Variants in CBFA2T3 observed in about 807,000 individuals in gnomAD.
The protein encoded by CBFA2T3 is CBFA2/RUNX1 partner transcriptional co-repressor 3.
In CBFA2T3, 31 loss-of-function variants were observed where a neutral mutation model predicts 58.6. The ratio of observed to expected loss-of-function variants is 0.53; its 90% confidence interval spans 0.40 to 0.71. The LOEUF (loss-of-function observed/expected upper bound fraction) is 0.71, where lower values mean the gene tolerates loss of function less well. CBFA2T3 is among the 30% of genes least tolerant of loss of function. CBFA2T3 has a pLI of 0.00. For missense variants in CBFA2T3, 1,076 were observed against 963.1 expected (o/e 1.12, Z -1.55); for synonymous variants, 531 against 421.9 (o/e 1.26, Z -3.17).
At chr16:88,891,061 G>C (rs538264955) in intron 5 of CBFA2T3, among the ~76,000 whole-genome samples, 1 of 152,164 alleles carries the variant, frequency 6.6e-6, no homozygotes, top group East Asian at 1.9e-4. Flanking sequence ...TGCCACCCTG[G>C]TCCACGGTTG....
intron 5 of CBFA2T3, among the ~76,000 whole-genome samples, chr16:88,889,379 G>A (rs1254930529): frequency 8.2e-6 from 1 of 122,354 alleles, no homozygotes; most frequent in Non-Finnish European, 1.7e-5. Context: ...AGGGAGGGAG[G>A]GCAGGAAAAA....
chr16:88,901,925 C>T (rs115006559), intron 1 of CBFA2T3, among the ~76,000 whole-genome samples: 1,714 of 152,312 alleles, frequency 0.011, 34 homozygotes, highest in African/African-American at 0.039. Context: ...CTGCGAGAGC[C>T]GTGCCCCACT....
chr16:88,951,302 G>T (rs758198356), intron 1 of CBFA2T3: 2 of 457,104 alleles, frequency 4.4e-6, no homozygotes, highest in Non-Finnish European at 8.8e-6. Flanking sequence ...CCAGCACAGA[G>T]GGTCGAGTGT....
chr16:88,970,356 C>T (rs1010600435), intron 1 of CBFA2T3, among the ~76,000 whole-genome samples: 5 of 152,164 alleles, frequency 3.3e-5, no homozygotes, highest in East Asian at 1.9e-4. Flanking sequence ...GCTGAGGGCG[C>T]GGCTCTCGTC....
At position 88,898,093 on chromosome 16, in the gene CBFA2T3, A is replaced by C; in HGVS notation, c.364T>G (p.Ser122Ala). 6.2e-7 allele frequency: 1 copy of C among 1,612,482 alleles called. No individual in the cohort carries two copies. Among genetic ancestry groups the C allele is most frequent in the Non-Finnish European group, 8.5e-7 (1 of 1,179,126 alleles). The change falls in exon 3 of 12, where the codon TCT (serine) becomes GCT (alanine). Residue 122 changes from serine to alanine, a missense_variant. Physicochemically the swap from Ser to Ala is moderately conservative, Grantham distance 99 (BLOSUM62 1). Coordinates refer to ENST00000268679, the MANE Select transcript of CBFA2T3 (RefSeq NM_005187.6). ...TTTTACTTACAGAGACAGACCATAGACCATTTTAAGCAGCCATGAAAACGG... is the reference window on the plus strand; with the variant it reads ...TTTTACTTACAGAGACAGACCATAGCCCATTTTAAGCAGCCATGAAAACGG... ...HGRFHGCLKW[S>A]MVCLLMNGSS...
intron 2 of CBFA2T3, 53 bp downstream of exon 2, chr16:88,901,451 A>G (rs77863492): frequency 0.03 from 29,653 of 972,986 alleles, 661 homozygotes; most frequent in African/African-American, 0.091. Flanking sequence ...CAAACAACAC[A>G]AGGGCCTCCC....
At chr16:88,927,172 C>G (rs1808448) in intron 1 of CBFA2T3, among the ~76,000 whole-genome samples, 1 of 152,176 alleles carries the variant, frequency 6.6e-6, no homozygotes, top group Non-Finnish European at 1.5e-5. Flanking sequence ...CACTATTTGT[C>G]GAGGGAATGA....
At chr16:88,884,504 A>G (rs28532120) in intron 7 of CBFA2T3, 4,691 of 152,604 alleles carry the variant, frequency 0.031, 240 homozygotes, top group African/African-American at 0.11. Flanking sequence ...ACGCCACCCC[A>G]CTGACGGGCT....
rs1567643837 is a variant in CBFA2T3 at position 88,975,146 on chromosome 16, T to TATCAAA, written c.151+1510_151+1511insTTTGAT. 6.1e-4 allele frequency among the ~76,000 whole-genome samples: 86 copies of TATCAAA among 142,072 alleles called. 1 individual carries two copies. Among genetic ancestry groups the TATCAAA allele is most frequent in the Non-Finnish European group, 8.1e-4 (52 of 64,204 alleles). 93.2% of individuals were successfully genotyped at this position (142,072 alleles called of 152,430 possible). A position where few individuals can be genotyped will look rare whatever the true frequency, so the allele number is the denominator to read the frequency against. On this transcript the variant is annotated intron_variant, in intron 1 of 11. Transcript: ENST00000268679. The stretch of plus-strand genomic sequence containing the variant: ...GCCCTCTGCTCCTGACCTGCAGCCA[T>TATCAAA]GTCAGAGGTCCACCCTGACCCTCTC...
At chr16:88,920,074 C>G (rs1970862198) in intron 1 of CBFA2T3, among the ~76,000 whole-genome samples, 1 of 152,246 alleles carries the variant, frequency 6.6e-6, no homozygotes, top group Non-Finnish European at 1.5e-5. Context: ...TCCTGCCTCC[C>G]TCCTTCCCCA....
intron 1 of CBFA2T3, chr16:88,940,028 G>A (rs940408783): frequency 1.3e-5 from 2 of 152,390 alleles, no homozygotes; most frequent in East Asian, 1.9e-4. Flanking sequence ...ACGCACACCC[G>A]GGCCGGACGC....
rs756950871 is a variant in CBFA2T3 at position 88,892,502 on chromosome 16, G to A, written c.380-17C>T. On this transcript the variant is annotated splice_polypyrimidine_tract_variant and intron_variant, in intron 3 of 11. Coordinates refer to ENST00000268679, the MANE Select transcript of CBFA2T3 (RefSeq NM_005187.6). ...CGTTCATCACTGCAGGAGGGAAGCG[G>A]ACATGAGGACACAAAGGTGATGGTG... The A allele has an allele frequency of 6.2e-7, 1 of 1,609,834 alleles. No homozygotes were observed. Among genetic ancestry groups the A allele is most frequent in the Admixed American group, 1.7e-5 (1 of 60,034 alleles).
chr16:88,889,348 G>T (rs1158308140), intron 5 of CBFA2T3, among the ~76,000 whole-genome samples: 1 of 118,914 alleles, frequency 8.4e-6, no homozygotes, highest in African/African-American at 3.2e-5. Context: ...TGGTGGGAGG[G>T]AGGGAGGACT....
intron 1 of CBFA2T3, among the ~76,000 whole-genome samples, chr16:88,906,461 C>T (rs1170836404): frequency 6.6e-6 from 1 of 152,056 alleles, no homozygotes; most frequent in African/African-American, 2.4e-5. Context: ...CGGCCCCGTC[C>T]AGACACACGG....
At chr16:88,921,515 G>T (rs896156551) in intron 1 of CBFA2T3, among the ~76,000 whole-genome samples, 1 of 152,152 alleles carries the variant, frequency 6.6e-6, no homozygotes, top group African/African-American at 2.4e-5. Context: ...GATCTCCCTG[G>T]GTGGGGTCCA....
intron 1 of CBFA2T3, among the ~76,000 whole-genome samples, chr16:88,914,276 C>T (rs764807431): frequency 1.4e-4 from 22 of 152,206 alleles, no homozygotes; most frequent in Non-Finnish European, 2.2e-4. Flanking sequence ...ACCCTGACAG[C>T]GCAGTGACCA....
At chr16:88,906,942 A>G (rs1036701350) in intron 1 of CBFA2T3, among the ~76,000 whole-genome samples, 7 of 152,192 alleles carry the variant, frequency 4.6e-5, no homozygotes, top group African/African-American at 1.7e-4. Flanking sequence ...GGCCGAAGGG[A>G]CGCTGGCTCG....
At chr16:88,966,567 C>T (rs528649144) in intron 1 of CBFA2T3, among the ~76,000 whole-genome samples, 14 of 152,190 alleles carry the variant, frequency 9.2e-5, no homozygotes, top group East Asian at 1.9e-4. Flanking sequence ...TAGAAGCACC[C>T]GGTGCCAGGC....
intron 11 of CBFA2T3, among the ~76,000 whole-genome samples, 196 bp downstream of exon 11, chr16:88,879,074 T>C (rs1288598458): frequency 2.0e-5 from 3 of 152,208 alleles, no homozygotes; most frequent in Non-Finnish European, 4.4e-5. Flanking sequence ...GGGACATCCA[T>C]AGGACGCCTC....
Sources: allele counts gnomAD v4.1 joint callset (sites outside exome capture counted in the v4.1 genomes callset), GRCh38; gene constraint gnomAD v4.1.1; transcripts MANE v1.5; gene names NCBI Gene and HGNC (gene_info 2026-07-23, HGNC 2026-07-21).